WDTC1: variants seen among roughly 807,000 people sequenced by gnomAD.
The protein encoded by WDTC1 is WD and tetratricopeptide repeats protein 1.
Under a neutral mutation model 76.0 loss-of-function variants are expected in WDTC1, and 12 were observed. The observed-to-expected ratio is 0.16, with a 90% CI of 0.10 to 0.26. WDTC1 has a LOEUF of 0.26. Among genes scored for constraint, WDTC1 ranks in the 10% least tolerant of loss-of-function variants. The pLI is 1.00. For synonymous variants in WDTC1, 326 were observed against 350.8 expected (o/e 0.93, Z 0.79); for missense variants, 511 against 908.8 (o/e 0.56, Z 5.63).
Position 27,294,416 on chromosome 1 carries a change from A to G in WDTC1, c.758-98A>G, listed in dbSNP as rs1488809347. The G allele has an allele frequency of 2.7e-6, 3 of 1,100,496 alleles. No individual in the cohort carries two copies. In the East Asian group the frequency reaches 7.3e-5, roughly 27 times the overall value. 68.2% of individuals were successfully genotyped at this position (1,100,496 alleles called of 1,614,324 possible). On this transcript the variant is annotated intron_variant, in intron 8 of 15. Coordinates refer to ENST00000319394, the MANE Select transcript of WDTC1 (RefSeq NM_001276252.2). Reference sequence around the variant, plus strand: ...ACACTTGTAGCTGCTTTTATGCTAAAGTTGATTGGTATAATTTTTGATATG... The same window carrying G: ...ACACTTGTAGCTGCTTTTATGCTAAGGTTGATTGGTATAATTTTTGATATG...
At chr1:27,289,870 A>G (rs979275240) in intron 6 of WDTC1, among the ~76,000 whole-genome samples, 4 of 152,212 alleles carry the variant, frequency 2.6e-5, no homozygotes, top group African/African-American at 9.6e-5. Context: ...CTGCAATCGC[A>G]GGCACTCGGC....
intron 1 of WDTC1, among the ~76,000 whole-genome samples, chr1:27,242,346 G>A (rs2147901127): frequency 6.6e-6 from 1 of 152,316 alleles, no homozygotes; most frequent in South Asian, 2.1e-4. Flanking sequence ...ATTTGCACCT[G>A]TAATCCTAGC....
chr1:27,255,765 C>T (rs1428492972), intron 1 of WDTC1, among the ~76,000 whole-genome samples: 1 of 152,124 alleles, frequency 6.6e-6, no homozygotes, highest in Non-Finnish European at 1.5e-5. Flanking sequence ...GATGGGGTTT[C>T]ACCATGTTGG....
rs980570827 is a variant in WDTC1 at position 27,307,335 on chromosome 1, G to A, written c.*952G>A. ...GTCCCCTGCTGCTCTGAGGGGAGAGGGGTGGGTCTCCTGAGCCACTCAGAT... is the reference window on the plus strand; with the variant it reads ...GTCCCCTGCTGCTCTGAGGGGAGAGAGGTGGGTCTCCTGAGCCACTCAGAT... On this transcript the variant is annotated 3_prime_UTR_variant, in exon 16 of 16. Coordinates refer to ENST00000319394, the MANE Select transcript of WDTC1 (RefSeq NM_001276252.2). The surrounding 1 kb of genome is among the most constrained non-coding windows in gnomAD (Gnocchi z 4.1). 2.6e-5 allele frequency: 4 copies of A among 152,844 alleles called. No individual in the cohort carries two copies. The highest frequency in any genetic ancestry group is 9.7e-5 in the African/African-American group (4 of 41,370). 9.5% of individuals were successfully genotyped at this position (152,844 alleles called of 1,614,324 possible).
chr1:27,283,309 G>A, intron 4 of WDTC1, 29 bp from the exon 5 acceptor site: 1 of 1,602,280 alleles, frequency 6.2e-7, no homozygotes, highest in Non-Finnish European at 8.5e-7. Context: ...AATTTGAGGA[G>A]AGATCACAAT....
At position 27,303,930 on chromosome 1, in the gene WDTC1, C is replaced by A; in HGVS notation, c.1643+135C>A. 8.6e-7 allele frequency: 1 copy of A among 1,167,036 alleles called. No individual in the cohort carries two copies. Among genetic ancestry groups the A allele is most frequent in the Non-Finnish European group, 1.2e-6 (1 of 829,752 alleles). 72.3% of individuals were successfully genotyped at this position (1,167,036 alleles called of 1,614,324 possible). ...CTGTACCCTTGGGCAAATGGCTTCA[C>A]CTTTGTCAGCCTCTAAAGTTTTTTA... On this transcript the variant is annotated intron_variant, in intron 14 of 15. Transcript: ENST00000319394. This position sits in a 1 kb window ranked among gnomAD's most constrained non-coding sequence, Gnocchi z 4.8.
intron 1 of WDTC1, among the ~76,000 whole-genome samples, chr1:27,243,861 C>T (rs897621189): frequency 1.3e-5 from 2 of 151,678 alleles, no homozygotes; most frequent in Non-Finnish European, 1.5e-5. Flanking sequence ...CATGGTGACT[C>T]ATGCCTATAA....
At chr1:27,282,141 A>G in intron 3 of WDTC1, 98 bp from the exon 4 acceptor site, 1 of 1,190,246 alleles carries the variant, frequency 8.4e-7, no homozygotes, top group Non-Finnish European at 1.2e-6. Flanking sequence ...TTGAAAATGG[A>G]AAGACTGGTT....
At chr1:27,236,445 C>T (rs557851367) in intron 1 of WDTC1, among the ~76,000 whole-genome samples, 1 of 152,120 alleles carries the variant, frequency 6.6e-6, no homozygotes, top group Non-Finnish European at 1.5e-5. Flanking sequence ...CACTTCTGTT[C>T]GAGTCTTATC....
At position 27,303,673 on chromosome 1, in the gene WDTC1, C is replaced by G. The variant is rs1310874697; in HGVS notation, c.1521C>G (p.Ser507Arg). The change falls in exon 14 of 16, where the codon AGC becomes AGG. Residue 507 changes from serine to arginine, a missense_variant. Coordinates refer to ENST00000319394, the MANE Select transcript of WDTC1 (RefSeq NM_001276252.2). The surrounding 1 kb of genome is among the most constrained non-coding windows in gnomAD (Gnocchi z 4.8). ...GGAPVRLRST[S>R]RKDSISEDEM... ...CCCCAGTCCGCCTCCGCAGCACGAGCCGCAAGGACTCCATCTCAGAGGATG... is the reference window on the plus strand; with the variant it reads ...CCCCAGTCCGCCTCCGCAGCACGAGGCGCAAGGACTCCATCTCAGAGGATG... 2.5e-6 allele frequency: 4 copies of G among 1,612,624 alleles called. No individual in the cohort carries two copies. The East Asian group carries it at 9.0e-5, about 36-fold the overall frequency.
chr1:27,251,782 G>A (rs79471519), intron 1 of WDTC1, among the ~76,000 whole-genome samples: 1,931 of 151,786 alleles, frequency 0.013, 23 homozygotes, highest in East Asian at 0.024. Flanking sequence ...TGCTATGATC[G>A]CACCACTATA....
At chr1:27,262,074 C>T (rs1210645570) in intron 2 of WDTC1, among the ~76,000 whole-genome samples, 1 of 151,436 alleles carries the variant, frequency 6.6e-6, no homozygotes, top group African/African-American at 2.4e-5. Context: ...GGACTACAGG[C>T]GCATGCTACC....
At chr1:27,277,035 T>TC (rs60581252) in intron 3 of WDTC1, among the ~76,000 whole-genome samples, 145,962 of 149,776 alleles carry the variant, frequency 0.97, 71,224 homozygotes, top group East Asian at 1. Context: ...TTATGTTTTA[T>TC]TTTTTTTTTT....
rs893065268 is a variant in WDTC1 at position 27,300,929 on chromosome 1, C to T, written c.1233-297C>T. On this transcript the variant is annotated intron_variant, in intron 12 of 15. Transcript: ENST00000319394. ...TGCCAGGCCTTCTGCTGCAGAGCTGCGGGTGCCTGGGGTGAGCCAGTGTGC... is the reference window on the plus strand; with the variant it reads ...TGCCAGGCCTTCTGCTGCAGAGCTGTGGGTGCCTGGGGTGAGCCAGTGTGC... Among the ~76,000 whole-genome samples, 3 of 152,200 alleles carry T rather than the reference C, an allele frequency of 2.0e-5. No individual in the cohort carries two copies. In the East Asian group the frequency reaches 5.8e-4, roughly 29 times the overall value.
intron 3 of WDTC1, among the ~76,000 whole-genome samples, chr1:27,272,894 A>G (rs950327925): frequency 1.3e-4 from 20 of 152,282 alleles, no homozygotes; most frequent in African/African-American, 4.6e-4. Context: ...GGGCAACCCC[A>G]GCCTTGTCTC....
rs1259265265 is a variant in WDTC1, at chr1:27,307,849, CTAGCTTGGTAATGAAG to C, written c.*1469_*1484del. 1 of 141,094 alleles carries C rather than the reference CTAGCTTGGTAATGAAG, an allele frequency of 7.1e-6. No individual in the cohort carries two copies. The highest frequency in any genetic ancestry group is 1.6e-5 in the Non-Finnish European group (1 of 64,482). 8.7% of individuals were successfully genotyped at this position (141,094 alleles called of 1,614,324 possible). On this transcript the variant is annotated 3_prime_UTR_variant, in exon 16 of 16. Coordinates refer to ENST00000319394, the MANE Select transcript of WDTC1 (RefSeq NM_001276252.2). The surrounding 1 kb of genome is among the most constrained non-coding windows in gnomAD (Gnocchi z 4.1). ...CAGTCCCTCTTCCCACCCCTCTCTT[CTAGCTTGGTAATGAAG>C]TATATTTATTGGTGAAGGAAACAGC...
Position 27,234,654 on chromosome 1 carries a change from C to A in WDTC1, c.-397C>A, listed in dbSNP as rs1366048540. ...GCTGGGCTTCTCCTGGGTCCCCAGA[C>A]AGCTGGAGGAGATAAACAGAGGAGG... On this transcript the variant is annotated 5_prime_UTR_variant, in exon 1 of 16. Coordinates refer to ENST00000319394, the MANE Select transcript of WDTC1 (RefSeq NM_001276252.2). 1 of 396,008 alleles carries A rather than the reference C, an allele frequency of 2.5e-6. No homozygotes were observed. Among genetic ancestry groups the A allele is most frequent in the Non-Finnish European group, 4.5e-6 (1 of 224,528 alleles). The allele number at this position is 396,008 out of a possible 1,614,324, so 24.5% of individuals were successfully genotyped here.
chr1:27,271,553 G>A (rs2012868110), intron 3 of WDTC1, among the ~76,000 whole-genome samples: 1 of 152,066 alleles, frequency 6.6e-6, no homozygotes, highest in Admixed American at 6.6e-5. Flanking sequence ...TTTTCAAAAA[G>A]TAAAATTAAA....
Position 27,298,065 on chromosome 1 carries a change from G to A in WDTC1, c.1186G>A (p.Ala396Thr), listed in dbSNP as rs1295383162. 1 of 1,613,602 alleles carries A rather than the reference G, an allele frequency of 6.2e-7. No homozygotes were observed. The highest frequency in any genetic ancestry group is 8.5e-7 in the Non-Finnish European group (1 of 1,179,686). ...SKAVQRAPHN[A>T]MLYGNRAAAY... is the part of the protein sequence containing the mutation. The stretch of plus-strand genomic sequence containing the variant: ...GGCTGTGCAGAGGGCCCCTCACAAT[G>A]CCATGCTTTATGGAAACCGAGCAGC... Residue 396 changes from alanine to threonine, a missense_variant, in exon 12 of 16, where the codon GCC becomes ACC. Coordinates refer to ENST00000319394, the MANE Select transcript of WDTC1 (RefSeq NM_001276252.2).
Sources: gnomAD v4.1 joint callset for allele counts (sites outside exome capture counted in the v4.1 genomes callset) on GRCh38, gnomAD v4.1.1 for gene constraint, Gnocchi (gnomAD v3.1) non-coding constraint, MANE v1.5 for transcripts, NCBI Gene and HGNC (gene_info 2026-07-23, HGNC 2026-07-21) for gene names.